HDAC9: variants seen among roughly 807,000 people sequenced by gnomAD.
HDAC9 encodes histone deacetylase 9.
A neutral mutation model predicts 139.4 loss-of-function variants in HDAC9; 41 were observed. The ratio of observed to expected loss-of-function variants is 0.29; its 90% confidence interval spans 0.23 to 0.38. The LOEUF (loss-of-function observed/expected upper bound fraction) is 0.38, where lower values mean the gene tolerates loss of function less well. Ranked by LOEUF, HDAC9 falls within the 10% of genes least tolerant of loss-of-function variation. HDAC9 has a pLI of 1.00. For synonymous variants in HDAC9, 517 were observed against 476.2 expected (o/e 1.09, Z -1.12); for missense variants, 1,147 against 1,297.0 (o/e 0.88, Z 1.78).
At chr7:18,135,038 A>G (rs1785289870) in intron 1 of HDAC9, among the ~76,000 whole-genome samples, 1 of 152,134 alleles carries the variant, frequency 6.6e-6, no homozygotes, top group Non-Finnish European at 1.5e-5. Context: ...CATGATAGTA[A>G]TAGTAGTAAT....
chr7:18,335,865 C>G (rs1405500397), intron 1 of HDAC9, among the ~76,000 whole-genome samples: 1 of 151,410 alleles, frequency 6.6e-6, no homozygotes, highest in Non-Finnish European at 1.5e-5. Context: ...TATGGAAGGC[C>G]AATCCATAAA....
rs1290211421 is a variant in HDAC9 at position 18,915,998 on chromosome 7, A to C, written c.2804-19811A>C. On this transcript the variant is annotated intron_variant, in intron 22 of 25. Coordinates refer to ENST00000686413, the MANE Select transcript of HDAC9 (RefSeq NM_178425.4). ...TGTGACTTTTTCTGTACTTTAAAAC[A>C]GACCCTCCTCTCACCCCCCGCTGGA... 5.1e-5 allele frequency among the ~76,000 whole-genome samples: 7 copies of C among 135,958 alleles called. No individual in the cohort carries two copies. The East Asian group carries it at 1.5e-3, about 30-fold the overall frequency. 89.2% of individuals were successfully genotyped at this position (135,958 alleles called of 152,430 possible). A position where few individuals can be genotyped will look rare whatever the true frequency, so the allele number is the denominator to read the frequency against.
At chr7:18,416,335 C>T (rs1264490951) in intron 1 of HDAC9, among the ~76,000 whole-genome samples, 2 of 152,018 alleles carry the variant, frequency 1.3e-5, no homozygotes, top group East Asian at 3.9e-4. Context: ...AAGAATTTTA[C>T]ATCTATGTTC....
At chr7:18,170,537 G>T (rs2128133195) in intron 2 of HDAC9, among the ~76,000 whole-genome samples, 2 of 148,850 alleles carry the variant, frequency 1.3e-5, no homozygotes, top group South Asian at 4.4e-4. Flanking sequence ...GTCCTGAATG[G>T]TATTGCCTAG....
chr7:18,256,283 A>C (rs544876070), intron 2 of HDAC9, among the ~76,000 whole-genome samples: 1 of 152,340 alleles, frequency 6.6e-6, no homozygotes, highest in Admixed American at 6.5e-5. Context: ...AGGAACACAC[A>C]AAGATATAAA....
chr7:18,689,881 G>A (rs907236311), intron 12 of HDAC9, among the ~76,000 whole-genome samples: 6 of 149,906 alleles, frequency 4.0e-5, no homozygotes, highest in African/African-American at 1.0e-4. Context: ...ATTTTATTAA[G>A]AAAAGAAATC....
At chr7:18,856,106 G>C (rs149381890) in intron 21 of HDAC9, among the ~76,000 whole-genome samples, 11 of 152,142 alleles carry the variant, frequency 7.2e-5, no homozygotes, top group Non-Finnish European at 1.6e-4. Flanking sequence ...GAATCCTGCT[G>C]TTCTCTTAAA....
chr7:18,271,536 A>G (rs1322525081), intron 2 of HDAC9, among the ~76,000 whole-genome samples: 1 of 152,154 alleles, frequency 6.6e-6, no homozygotes, highest in Non-Finnish European at 1.5e-5. Context: ...GCTTTTCTTG[A>G]TCCAGCTGTA....
At chr7:18,665,695 G>A (rs1264269255) in intron 11 of HDAC9, among the ~76,000 whole-genome samples, 1 of 151,906 alleles carries the variant, frequency 6.6e-6, no homozygotes, top group Non-Finnish European at 1.5e-5. Context: ...ATAAGAAGAT[G>A]CTTTTTCATT....
At position 18,614,033 on chromosome 7, in the gene HDAC9, C is replaced by T. The variant is rs144488630; in HGVS notation, c.665-15317C>T. 3.5e-3 allele frequency among the ~76,000 whole-genome samples: 532 copies of T among 152,156 alleles called. 2 individuals are homozygous for T. Among genetic ancestry groups the T allele is most frequent in the Non-Finnish European group, 5.2e-3 (356 of 68,014 alleles). On this transcript the variant is annotated intron_variant, in intron 6 of 25. Transcript: ENST00000686413. ...TTTTTAACTTTTCTATTTCAATTGT[C>T]ACCATCTTAAAGACTTTGATCCTAC...
chr7:18,868,408 G>A (rs1798654329), intron 21 of HDAC9, among the ~76,000 whole-genome samples: 1 of 152,166 alleles, frequency 6.6e-6, no homozygotes, highest in African/African-American at 2.4e-5. Context: ...TAAGAAAGAG[G>A]CAATCTGAGT....
intron 1 of HDAC9, among the ~76,000 whole-genome samples, chr7:18,431,549 T>A (rs1301545126): frequency 2.6e-5 from 4 of 152,196 alleles, no homozygotes; most frequent in Non-Finnish European, 5.9e-5. Context: ...CCCTGAGGAC[T>A]TCAATTCAAG....
intron 1 of HDAC9, among the ~76,000 whole-genome samples, chr7:18,449,621 A>G (rs878952866): frequency 6.6e-6 from 1 of 152,130 alleles, no homozygotes. Flanking sequence ...CACTGGAATA[A>G]AAGTTTACAT....
At chr7:18,126,197 T>C (rs1784658233) in intron 1 of HDAC9, among the ~76,000 whole-genome samples, 1 of 152,152 alleles carries the variant, frequency 6.6e-6, no homozygotes, top group African/African-American at 2.4e-5. Flanking sequence ...ATTATTATTT[T>C]AAAATACTAC....
chr7:18,886,273 G>A (rs1800143573), intron 22 of HDAC9, among the ~76,000 whole-genome samples: 1 of 152,112 alleles, frequency 6.6e-6, no homozygotes, highest in Non-Finnish European at 1.5e-5. Context: ...AGTTACTGAT[G>A]TCATGAAACA....
chr7:18,301,435 G>C (rs1483162574), intron 1 of HDAC9, among the ~76,000 whole-genome samples: 1 of 151,966 alleles, frequency 6.6e-6, no homozygotes, highest in Non-Finnish European at 1.5e-5. Context: ...ATACATTATA[G>C]ATTTTTTTTT....
chr7:18,653,478 A>C (rs141148536), intron 11 of HDAC9, among the ~76,000 whole-genome samples: 1 of 152,040 alleles, frequency 6.6e-6, no homozygotes, highest in Non-Finnish European at 1.5e-5. Flanking sequence ...ATGACTGGCT[A>C]TCAGCCAACA....
At chr7:18,509,284 T>A (rs1035518724) in intron 2 of HDAC9, 1 of 985,250 alleles carries the variant, frequency 1.0e-6, no homozygotes, top group Admixed American at 6.2e-5. Context: ...TCCACTTAAC[T>A]TCTGCCTTGT....
intron 22 of HDAC9, among the ~76,000 whole-genome samples, chr7:18,879,613 A>G (rs1272520354): frequency 1.3e-5 from 2 of 152,220 alleles, no homozygotes; most frequent in Non-Finnish European, 2.9e-5. Context: ...AGCCACATGC[A>G]GAAGACTGAA....
Sources: allele counts gnomAD v4.1 joint callset (sites outside exome capture counted in the v4.1 genomes callset), GRCh38; gene constraint gnomAD v4.1.1; transcripts MANE v1.5; gene names NCBI Gene and HGNC (gene_info 2026-07-23, HGNC 2026-07-21).